ETV4: variants seen among roughly 807,000 people sequenced by gnomAD.
The protein encoded by ETV4 is ETS translocation variant 4.
A neutral mutation model predicts 65.9 loss-of-function variants in ETV4; 42 were observed. That is an observed-to-expected ratio of 0.64 (90% CI 0.50 to 0.82). The LOEUF is 0.82. Ranked by LOEUF, ETV4 falls within the 40% of genes least tolerant of loss-of-function variation. The pLI, the probability that ETV4 is intolerant of heterozygous loss-of-function variation, is 0.00. For missense variants in ETV4, 583 were observed against 630.3 expected (o/e 0.92, Z 0.80); for synonymous variants, 238 against 260.0 (o/e 0.92, Z 0.81).
intron 10 of ETV4, 50 bp downstream of exon 10, chr17:43,529,834 A>G (rs762452956): frequency 1.0e-4 from 165 of 1,604,130 alleles, no homozygotes; most frequent in Non-Finnish European, 9.1e-5. Context: ...TCCTGCAGGG[A>G]CACAGCGTGA....
In ETV4 at chr17:43,528,415, C is replaced by T; in HGVS notation, c.*104G>A. On this transcript the variant is annotated 3_prime_UTR_variant, in exon 13 of 13. Transcript: ENST00000319349. ...CTGGTAGGACAGTGGGGATCTGCCCCAGAGACATCTGTGGGTTTCAGATGA... is the reference window on the plus strand; with the variant it reads ...CTGGTAGGACAGTGGGGATCTGCCCTAGAGACATCTGTGGGTTTCAGATGA... 1 of 783,954 alleles carries T rather than the reference C, an allele frequency of 1.3e-6. No individual in the cohort carries two copies. Among genetic ancestry groups the T allele is most frequent in the Non-Finnish European group, 2.0e-6 (1 of 492,062 alleles). The allele number at this position is 783,954 out of a possible 1,614,324, so 48.6% of individuals were successfully genotyped here.
At position 43,528,591 on chromosome 17, in the gene ETV4, C is replaced by T. The variant is rs776427258; in HGVS notation, c.1383G>A (p.Glu461=). The change falls in exon 13 of 13, where the codon GAG becomes GAA. Residue 461 remains glutamate, a synonymous_variant. Transcript: ENST00000319349. ...CCAGCTCTGGGAGGTAGGCGGGGCT[C>T]TCATCCAAGTGGGACAAAGGGACTG... ...EDTVPLSHLD[E]SPAYLPELAG... 33 of 1,614,008 alleles carry T rather than the reference C, an allele frequency of 2.0e-5. No homozygotes were observed. Among genetic ancestry groups the T allele is most frequent in the Non-Finnish European group, 2.8e-5 (33 of 1,180,018 alleles).
At chr17:43,532,016 T>A (rs946816952) in intron 8 of ETV4, among the ~76,000 whole-genome samples, 2 of 152,228 alleles carry the variant, frequency 1.3e-5, no homozygotes, top group African/African-American at 4.8e-5. Flanking sequence ...ACATCCCCCT[T>A]TATTTTAATT....
chr17:43,529,528 C>G lies in ETV4; in HGVS notation c.1104G>C (p.Glu368Asp), dbSNP rs1195189231. Residue 368 changes from glutamate (E) to aspartate (D), a missense_variant, in exon 11 of 13, where the codon GAG (glutamate) becomes GAC (aspartate). Coordinates refer to ENST00000319349, the MANE Select transcript of ETV4 (RefSeq NM_001079675.5). The stretch of plus-strand genomic sequence containing the variant: ...CCTCCTCAGGCTCAATGAGCTTGAA[C>G]TCCATTCCCCGGCCCGTCCAGGCAA... Reference protein sequence around the residue: ...HFIAWTGRGMEFKLIEPEEVA... With the variant: ...HFIAWTGRGMDFKLIEPEEVA... 1.2e-6 allele frequency: 2 copies of G among 1,613,096 alleles called. No homozygotes were observed. Among genetic ancestry groups the G allele is most frequent in the South Asian group, 2.2e-5 (2 of 90,952 alleles).
At chr17:43,529,431 C>T (rs1970769182) in intron 11 of ETV4, 73 bp downstream of exon 11, 1 of 1,537,844 alleles carries the variant, frequency 6.5e-7, no homozygotes. Flanking sequence ...GCACGTGCCA[C>T]CATTTCCCAG....
rs997279278 is a variant in ETV4 at position 43,528,310 on chromosome 17, C to T, written c.*209G>A. The T allele has an allele frequency of 4.0e-6, 2 of 499,678 alleles. No homozygotes were observed. Among genetic ancestry groups the T allele is most frequent in the Admixed American group, 3.4e-5 (1 of 29,278 alleles). The allele number at this position is 499,678 out of a possible 1,614,324, so 31.0% of individuals were successfully genotyped here. ...CCAGGTGAAACCCCCAGGGGAGTTT[C>T]TGAGACTCTAGACTTGCCATTTCTC... On this transcript the variant is annotated 3_prime_UTR_variant, in exon 13 of 13. Transcript: ENST00000319349.
Position 43,530,177 on chromosome 17 carries a change from G to C in ETV4, c.816C>G (p.Val272=). The change falls in exon 9 of 13, where the codon GTC becomes GTG. Residue 272 remains valine (V), a synonymous_variant. Coordinates refer to ENST00000319349, the MANE Select transcript of ETV4 (RefSeq NM_001079675.5). The stretch of plus-strand genomic sequence containing the variant: ...GGAGGTACATTGATGCGCACCCGGT[G>C]ACATCTGTGGGGGAAGAAGGGGTGA... The part of the protein sequence containing the change: ...EQTDFAYDSD[V]TGCASMYLHT... The C allele has an allele frequency of 1.3e-6, 2 of 1,554,936 alleles. No homozygotes were observed. Among genetic ancestry groups the C allele is most frequent in the Non-Finnish European group, 1.7e-6 (2 of 1,148,514 alleles).
chr17:43,542,285 C>G (rs1011616004), intron 4 of ETV4, among the ~76,000 whole-genome samples: 1 of 152,098 alleles, frequency 6.6e-6, no homozygotes, highest in African/African-American at 2.4e-5. Flanking sequence ...TCAGAGGGAT[C>G]AAGGATCCCA....
intron 9 of ETV4, 58 bp downstream of exon 9, chr17:43,530,049 T>C: frequency 1.2e-6 from 2 of 1,610,608 alleles, no homozygotes; most frequent in Non-Finnish European, 1.7e-6. Context: ...CCCTCCCCCA[T>C]GGCAGCGCTC....
chr17:43,530,393 T>A lies in ETV4; in HGVS notation c.812-212A>T, dbSNP rs530681869. Reference sequence around the variant, plus strand: ...TGGAACCCCTCCTCAACTTGAGGGCTGCGGCTGAGGCCATGGAAGGCAGCA... The same window carrying A: ...TGGAACCCCTCCTCAACTTGAGGGCAGCGGCTGAGGCCATGGAAGGCAGCA... On this transcript the variant is annotated intron_variant, in intron 8 of 12. Transcript: ENST00000319349. The A allele has an allele frequency of 3.4e-4, 481 of 1,432,226 alleles. 4 individuals are homozygous for A. The Middle Eastern group carries it at 8.5e-3, about 25-fold the overall frequency. The allele number at this position is 1,432,226 out of a possible 1,614,324, so 88.7% of individuals were successfully genotyped here.
intron 8 of ETV4, 21 bp from the exon 9 acceptor site, chr17:43,530,202 A>G: frequency 6.4e-7 from 1 of 1,552,932 alleles, no homozygotes; most frequent in South Asian, 1.2e-5. Flanking sequence ...AGAAGGGGTG[A>G]TGTGAGAAGT....
intron 4 of ETV4, among the ~76,000 whole-genome samples, chr17:43,536,735 T>G (rs996881435): frequency 6.6e-6 from 1 of 152,278 alleles, no homozygotes; most frequent in Non-Finnish European, 1.5e-5. Flanking sequence ...GAATTTATGT[T>G]GGGCCTGGGC....
At chr17:43,532,503 A>G (rs1970995397) in intron 8 of ETV4, among the ~76,000 whole-genome samples, 171 bp downstream of exon 8, 1 of 152,204 alleles carries the variant, frequency 6.6e-6, no homozygotes, top group South Asian at 2.1e-4. Flanking sequence ...TTTCAAAAAA[A>G]AAAAGAAAAA....
chr17:43,529,692 A>C lies in ETV4; in HGVS notation c.956-16T>G. On this transcript the variant is annotated splice_polypyrimidine_tract_variant and intron_variant, in intron 10 of 12. Transcript: ENST00000319349. ...TTGATGTCTCCTGGGGAACACGAAA[A>C]TAGGAGGTGTGGGGTTTGTGTCTTT... 6.2e-7 allele frequency: 1 copy of C among 1,601,032 alleles called. No homozygotes were observed. Among genetic ancestry groups the C allele is most frequent in the Non-Finnish European group, 8.5e-7 (1 of 1,171,920 alleles).
At chr17:43,542,680 CA>C (rs1971584159) in intron 4 of ETV4, among the ~76,000 whole-genome samples, 1 of 152,158 alleles carries the variant, frequency 6.6e-6, no homozygotes, top group Non-Finnish European at 1.5e-5. Context: ...ACTCACCCTT[CA>C]ACGCCCGGAC....
At chr17:43,529,856 C>T (rs1009546223) in intron 10 of ETV4, 28 bp downstream of exon 10, 2 of 1,612,690 alleles carry the variant, frequency 1.2e-6, no homozygotes, top group East Asian at 4.5e-5. Flanking sequence ...AAGACCTTGA[C>T]CCTCCCATCA....
At chr17:43,543,276 A>ACTCTCCCTCTCTCT (rs138989101) in intron 4 of ETV4, among the ~76,000 whole-genome samples, 1 of 138,140 alleles carries the variant, frequency 7.2e-6, no homozygotes, top group African/African-American at 2.7e-5. Flanking sequence ...ACACACACAC[A>ACTCTCCCTCTCTCT]CTCTCTCTCT....
At position 43,530,145 on chromosome 17, in the gene ETV4, T is replaced by A. The variant is rs750690248; in HGVS notation, c.848A>T (p.Glu283Val). 8 of 1,564,280 alleles carry A rather than the reference T, an allele frequency of 5.1e-6. No homozygotes were observed. Among genetic ancestry groups the A allele is most frequent in the African/African-American group, 1.4e-5 (1 of 73,330 alleles). ...TGCASMYLHTEGFSGPSPGDG... is the reference protein window; with the variant it reads ...TGCASMYLHTVGFSGPSPGDG... ...ACCTGGAGAGGGCCCAGAGAAGCCC[T>A]CTGTGTGGAGGTACATTGATGCGCA... The change falls in exon 9 of 13, where the codon GAG becomes GTG. Residue 283 changes from glutamate to valine, a missense_variant. By Grantham distance (121) the Glu-to-Val change is moderately radical. Transcript: ENST00000319349.
intron 4 of ETV4, among the ~76,000 whole-genome samples, chr17:43,541,218 C>T (rs1452839684): frequency 1.3e-5 from 2 of 152,234 alleles, no homozygotes; most frequent in African/African-American, 4.8e-5. Flanking sequence ...GGCCAGGGCC[C>T]TCAGTCATCC....
Sources: gnomAD v4.1 joint callset for allele counts (sites outside exome capture counted in the v4.1 genomes callset) on GRCh38, gnomAD v4.1.1 for gene constraint, MANE v1.5 for transcripts, NCBI Gene and HGNC (gene_info 2026-07-23, HGNC 2026-07-21) for gene names.